The following DAPK1 variants were observed in gnomAD, a reference collection of about 807,000 sequenced individuals.
DAPK1 encodes death-associated protein kinase 1.
DAPK1 carries 56 observed loss-of-function variants against 144.9 expected under a neutral mutation model. The ratio of observed to expected loss-of-function variants is 0.39; its 90% CI spans 0.31 to 0.48. DAPK1 has a LOEUF of 0.48. Ranked by LOEUF, DAPK1 falls within the 20% of genes least tolerant of loss-of-function variation. DAPK1 has a pLI of 0.95. For missense variants in DAPK1, 1,454 were observed against 1,875.4 expected, an observed-to-expected ratio of 0.78 and a Z score of 4.15; for synonymous variants, 690 against 749.0, an observed-to-expected ratio of 0.92 and a Z score of 1.29.
chr9:87,526,735 G>A (rs1260676377), intron 2 of DAPK1, among the ~76,000 whole-genome samples: 1 of 152,160 alleles, frequency 6.6e-6, no homozygotes, highest in East Asian at 1.9e-4. Flanking sequence ...GTCCTTTATG[G>A]TGATGAGATG....
intron 2 of DAPK1, among the ~76,000 whole-genome samples, chr9:87,537,275 C>T (rs562709530): frequency 2.6e-5 from 4 of 152,172 alleles, no homozygotes; most frequent in Non-Finnish European, 5.9e-5. Context: ...CGTGAGCCAC[C>T]GCATCCAGCC....
chr9:87,617,222 A>G (rs1273081556), intron 3 of DAPK1, among the ~76,000 whole-genome samples: 1 of 152,134 alleles, frequency 6.6e-6, no homozygotes. Flanking sequence ...AAGGGAGTAC[A>G]TTTTTTTGGA....
At chr9:87,515,464 T>C (rs1470870100) in intron 2 of DAPK1, among the ~76,000 whole-genome samples, 1 of 152,170 alleles carries the variant, frequency 6.6e-6, no homozygotes, top group African/African-American at 2.4e-5. Context: ...TCTCTGGCTC[T>C]GAAGCCCATG....
Position 87,657,611 on chromosome 9 carries a change from A to G in DAPK1, c.1825-418A>G, listed in dbSNP as rs1180789961. 20 of 212,212 alleles carry G rather than the reference A, an allele frequency of 9.4e-5. No individual in the cohort carries two copies. In the South Asian group the frequency reaches 1.2e-3, roughly 13 times the overall value. The allele number at this position is 212,212 out of a possible 1,614,324, so 13.1% of individuals were successfully genotyped here. ...CCTTGGCACACAATTTGGGAACCAT[A>G]GGCACAAACAAGGCTTATGGGCTTG... On this transcript the variant is annotated intron_variant, in intron 17 of 25. Coordinates refer to ENST00000408954, the MANE Select transcript of DAPK1 (RefSeq NM_004938.4).
intron 3 of DAPK1, among the ~76,000 whole-genome samples, chr9:87,616,586 C>G (rs1829104769): frequency 6.6e-6 from 1 of 152,202 alleles, no homozygotes; most frequent in South Asian, 2.1e-4. Flanking sequence ...TACCAGGAAA[C>G]AGACGGCCCA....
chr9:87,609,043 G>C (rs1386612954), intron 3 of DAPK1, among the ~76,000 whole-genome samples: 4 of 152,160 alleles, frequency 2.6e-5, no homozygotes, highest in Non-Finnish European at 2.9e-5. Context: ...TCGGGAATGT[G>C]GGTGGCTCCG....
intron 3 of DAPK1, among the ~76,000 whole-genome samples, chr9:87,614,182 T>A (rs1829019191): frequency 6.6e-6 from 1 of 152,204 alleles, no homozygotes; most frequent in Non-Finnish European, 1.5e-5. Context: ...AAATAGGTAT[T>A]TTCACTCACT....
At chr9:87,691,020 T>C (rs968887238) in intron 21 of DAPK1, among the ~76,000 whole-genome samples, 1 of 152,038 alleles carries the variant, frequency 6.6e-6, no homozygotes. Context: ...GGTTTTGTTA[T>C]CATGGCAATG....
At chr9:87,571,449 A>ACC (rs1827329357) in intron 2 of DAPK1, among the ~76,000 whole-genome samples, 1 of 49,072 alleles carries the variant, frequency 2.0e-5, no homozygotes, top group Non-Finnish European at 3.6e-5. Flanking sequence ...ACACACACAC[A>ACC]CACACACACA....
At chr9:87,527,275 C>G (rs1173621547) in intron 2 of DAPK1, among the ~76,000 whole-genome samples, 1 of 152,308 alleles carries the variant, frequency 6.6e-6, no homozygotes, top group Middle Eastern at 3.4e-3. Context: ...TAATCGCTTG[C>G]CTTCAGATCT....
chr9:87,572,823 C>T (rs1827407698), intron 2 of DAPK1, among the ~76,000 whole-genome samples: 1 of 152,308 alleles, frequency 6.6e-6, no homozygotes, highest in South Asian at 2.1e-4. Context: ...ATTGCAAGAA[C>T]AGCCTAACAC....
intron 2 of DAPK1, among the ~76,000 whole-genome samples, chr9:87,579,107 A>G (rs768172172): frequency 1.1e-4 from 17 of 152,200 alleles, no homozygotes; most frequent in African/African-American, 3.9e-4. Context: ...CGAAGTATAT[A>G]TAATCTATTC....
chr9:87,702,353 C>T (rs935755599), intron 24 of DAPK1, among the ~76,000 whole-genome samples: 37 of 152,166 alleles, frequency 2.4e-4, no homozygotes, highest in Admixed American at 1.3e-4. Context: ...TCCACTTCAG[C>T]CTACATACCA....
At chr9:87,645,774 T>C in intron 11 of DAPK1, 121 bp from the exon 12 acceptor site, 7 of 1,305,406 alleles carry the variant, frequency 5.4e-6, no homozygotes, top group Non-Finnish European at 7.4e-6. Flanking sequence ...ATTTGGGGAG[T>C]AAATGGCTTA....
At chr9:87,657,937 C>T (rs1463354553) in intron 17 of DAPK1, 92 bp from the exon 18 acceptor site, 6 of 717,210 alleles carry the variant, frequency 8.4e-6, no homozygotes, top group Non-Finnish European at 1.6e-5. Flanking sequence ...TCTGGTGGGC[C>T]CTGACCCCTT....
chr9:87,584,865 C>T (rs935028124), intron 2 of DAPK1, among the ~76,000 whole-genome samples: 2 of 152,074 alleles, frequency 1.3e-5, no homozygotes, highest in Non-Finnish European at 2.9e-5. Flanking sequence ...TTTGTAGAGA[C>T]GGGGTTTCAC....
chr9:87,592,414 T>C (rs1041968896), intron 2 of DAPK1, among the ~76,000 whole-genome samples: 15 of 152,218 alleles, frequency 9.9e-5, no homozygotes, highest in African/African-American at 3.4e-4. Flanking sequence ...TCATATCCCA[T>C]AGAAGTCATA....
At chr9:87,649,228 G>C (rs1456765457) in intron 15 of DAPK1, among the ~76,000 whole-genome samples, 1 of 152,192 alleles carries the variant, frequency 6.6e-6, no homozygotes, top group Non-Finnish European at 1.5e-5. Flanking sequence ...TGGTAGAGCT[G>C]GGGCTTGAAC....
At chr9:87,705,219 AT>A (rs887572136) in intron 25 of DAPK1, among the ~76,000 whole-genome samples, 13 of 142,030 alleles carry the variant, frequency 9.2e-5, no homozygotes, top group African/African-American at 3.4e-4. Flanking sequence ...ACATTTATTT[AT>A]TTTTTTAATT....
Sources: allele counts gnomAD v4.1 joint callset (sites outside exome capture counted in the v4.1 genomes callset), GRCh38; gene constraint gnomAD v4.1.1; transcripts MANE v1.5; gene names NCBI Gene and HGNC (gene_info 2026-07-23, HGNC 2026-07-21).